Variants in RBFOX1 observed in about 807,000 individuals in gnomAD.
The protein encoded by RBFOX1 is RNA binding fox-1 homolog 1.
In RBFOX1, 8 loss-of-function variants were observed where a neutral mutation model predicts 57.7. The observed-to-expected ratio is 0.14, with a 90% CI of 0.08 to 0.25. RBFOX1 has a LOEUF of 0.25. Ranked by LOEUF, RBFOX1 falls within the 10% of genes least tolerant of loss-of-function variation. RBFOX1 has a pLI of 1.00. For missense variants in RBFOX1, 611 were observed against 548.5 expected, an observed-to-expected ratio of 1.11 and a Z score of -1.14; for synonymous variants, 326 against 222.4, an observed-to-expected ratio of 1.47 and a Z score of -4.15.
At chr16:5,444,562 A>G (rs576986074) in intron 1 of RBFOX1, among the ~76,000 whole-genome samples, 1 of 152,248 alleles carries the variant, frequency 6.6e-6, no homozygotes, top group South Asian at 2.1e-4. Context: ...TAACCCGGGG[A>G]GGAGAATGGT....
At chr16:6,606,828 G>A (rs1363771711) in intron 2 of RBFOX1, among the ~76,000 whole-genome samples, 2 of 152,162 alleles carry the variant, frequency 1.3e-5, no homozygotes, top group Admixed American at 6.5e-5. Flanking sequence ...ACGCGTGCAT[G>A]TATCTTTATA....
rs575572816 is a variant in RBFOX1, at chr16:7,138,260, A to C, written c.27+86162A>C. Among the ~76,000 whole-genome samples the C allele has an allele frequency of 2.2e-4, 34 of 152,332 alleles. No individual in the cohort carries two copies. In the East Asian group the frequency reaches 5.4e-3, roughly 24 times the overall value. ...GATGGTAAGATTGCTGAGAGGGTGC[A>C]GATATAAAGGGAGAAAAATAAGAGG... On this transcript the variant is annotated intron_variant, in intron 4 of 15. Coordinates refer to ENST00000550418, the MANE Select transcript of RBFOX1 (RefSeq NM_018723.4).
At chr16:7,496,581 C>G (rs1249858933) in intron 4 of RBFOX1, among the ~76,000 whole-genome samples, 3 of 152,024 alleles carry the variant, frequency 2.0e-5, no homozygotes, top group Non-Finnish European at 2.9e-5. Context: ...AATACCATTT[C>G]TGTACCCCCA....
intron 3 of RBFOX1, among the ~76,000 whole-genome samples, chr16:5,744,106 T>C (rs2052881888): frequency 6.6e-6 from 1 of 152,134 alleles, no homozygotes; most frequent in Non-Finnish European, 1.5e-5. Context: ...GCTCCCAGGC[T>C]ACCATGCCCT....
At chr16:5,282,885 G>A (rs910268483) in intron 1 of RBFOX1, among the ~76,000 whole-genome samples, 3 of 152,218 alleles carry the variant, frequency 2.0e-5, no homozygotes, top group African/African-American at 7.2e-5. Context: ...AGCCAAGTGT[G>A]AATCCCCGTC....
chr16:7,238,455 C>T (rs2093886881), intron 4 of RBFOX1, among the ~76,000 whole-genome samples: 1 of 152,210 alleles, frequency 6.6e-6, no homozygotes, highest in African/African-American at 2.4e-5. Flanking sequence ...AGAGCCTTTG[C>T]ATGGTTGTTT....
intron 4 of RBFOX1, among the ~76,000 whole-genome samples, chr16:7,103,477 G>T (rs1432620751): frequency 6.6e-6 from 1 of 152,126 alleles, no homozygotes; most frequent in African/African-American, 2.4e-5. Context: ...TACAGTATAT[G>T]AATTGGTATG....
intron 4 of RBFOX1, among the ~76,000 whole-genome samples, chr16:7,122,445 AAAG>A (rs2067400006): frequency 6.6e-6 from 1 of 152,106 alleles, no homozygotes; most frequent in Admixed American, 6.6e-5. Context: ...AAAACCTAAA[AAAG>A]AAACAAAAAA....
chr16:7,090,872 C>G (rs1358715053), intron 4 of RBFOX1, among the ~76,000 whole-genome samples: 2 of 151,930 alleles, frequency 1.3e-5, no homozygotes, highest in East Asian at 3.9e-4. Context: ...AAGTAAAACC[C>G]TCTTGACCAG....
chr16:5,275,774 C>A (rs2063125559), intron 1 of RBFOX1, among the ~76,000 whole-genome samples: 1 of 152,110 alleles, frequency 6.6e-6, no homozygotes, highest in Non-Finnish European at 1.5e-5. Context: ...TCACATTACC[C>A]AACTTCAAAC....
chr16:5,686,225 C>A (rs1209276940), intron 3 of RBFOX1, among the ~76,000 whole-genome samples: 1 of 152,052 alleles, frequency 6.6e-6, no homozygotes, highest in Non-Finnish European at 1.5e-5. Flanking sequence ...TGGCAGCTGC[C>A]TGGGGAAGGG....
At chr16:7,131,406 C>G (rs907227670) in intron 4 of RBFOX1, among the ~76,000 whole-genome samples, 7 of 140,902 alleles carry the variant, frequency 5.0e-5, no homozygotes, top group Non-Finnish European at 1.1e-4. Context: ...TTAGTCAGTG[C>G]CTACTTATGT....
At chr16:5,828,087 A>G (rs928173304) in intron 3 of RBFOX1, among the ~76,000 whole-genome samples, 2 of 151,882 alleles carry the variant, frequency 1.3e-5, no homozygotes, top group Non-Finnish European at 2.9e-5. Context: ...CCAGCCAGCC[A>G]GCCTGCCTTC....
intron 1 of RBFOX1, among the ~76,000 whole-genome samples, chr16:6,240,409 A>G (rs919869014): frequency 6.6e-5 from 10 of 152,058 alleles, no homozygotes; most frequent in African/African-American, 2.4e-4. Context: ...GTGGGTGGGA[A>G]GAACCAACTA....
intron 4 of RBFOX1, among the ~76,000 whole-genome samples, chr16:7,188,202 C>A (rs532061461): frequency 6.6e-6 from 1 of 152,190 alleles, no homozygotes; most frequent in Non-Finnish European, 1.5e-5. Context: ...GAATGAAACA[C>A]TCCCTGAGCC....
At chr16:7,163,681 C>A (rs945446973) in intron 4 of RBFOX1, among the ~76,000 whole-genome samples, 1 of 151,790 alleles carries the variant, frequency 6.6e-6, no homozygotes, top group Non-Finnish European at 1.5e-5. Context: ...TTTTTTTAGA[C>A]AGTCTTGCTC....
chr16:7,061,107 A>G (rs1370590516), intron 4 of RBFOX1, among the ~76,000 whole-genome samples: 1 of 152,056 alleles, frequency 6.6e-6, no homozygotes, highest in Non-Finnish European at 1.5e-5. Context: ...TACATAACGA[A>G]TGGTCCCAAC....
chr16:6,538,895 C>G (rs1019855853), intron 2 of RBFOX1, among the ~76,000 whole-genome samples: 2 of 152,088 alleles, frequency 1.3e-5, no homozygotes, highest in South Asian at 4.1e-4. Context: ...GCTCCTCTTT[C>G]CAGTGATTTT....
At chr16:7,243,000 GT>G (rs1313765423) in intron 4 of RBFOX1, among the ~76,000 whole-genome samples, 2 of 151,794 alleles carry the variant, frequency 1.3e-5, no homozygotes, top group African/African-American at 4.8e-5. Flanking sequence ...TCTTGTTTTT[GT>G]TACTTGGATT....
Sources: allele counts gnomAD v4.1 joint callset (sites outside exome capture counted in the v4.1 genomes callset), GRCh38; gene constraint gnomAD v4.1.1; transcripts MANE v1.5; gene names NCBI Gene and HGNC (gene_info 2026-07-23, HGNC 2026-07-21).